The following AUTS2 variants were observed in gnomAD, a reference collection of about 807,000 sequenced individuals.
AUTS2 encodes the protein autism susceptibility gene 2 protein.
AUTS2 carries 17 observed loss-of-function variants against 112.4 expected under a neutral mutation model. The observed-to-expected ratio is 0.15, with a 90% CI of 0.10 to 0.23. The LOEUF is 0.23. Among genes scored for constraint, AUTS2 ranks in the 10% least tolerant of loss-of-function variants. The pLI is 1.00. For missense variants in AUTS2, 1,510 were observed against 1,701.6 expected (o/e 0.89, Z 1.98); for synonymous variants, 751 against 702.7 (o/e 1.07, Z -1.09).
chr7:69,646,136 C>T (rs1795011337), intron 1 of AUTS2, among the ~76,000 whole-genome samples: 1 of 151,706 alleles, frequency 6.6e-6, no homozygotes, highest in African/African-American at 2.4e-5. Flanking sequence ...AGGGAAAGGC[C>T]CCCTAAACCT....
At chr7:70,578,886 C>A (rs1802294788) in intron 5 of AUTS2, among the ~76,000 whole-genome samples, 1 of 150,612 alleles carries the variant, frequency 6.6e-6, no homozygotes, top group Non-Finnish European at 1.5e-5. Flanking sequence ...GTTATATTAT[C>A]TTTTCTTTTC....
chr7:69,824,299 C>CT (rs1262701044), intron 1 of AUTS2, among the ~76,000 whole-genome samples: 2 of 151,906 alleles, frequency 1.3e-5, no homozygotes, highest in African/African-American at 2.4e-5. Context: ...GTCCCAGCTA[C>CT]TCAGGAGGCT....
chr7:69,776,029 G>GT (rs903444142), intron 1 of AUTS2, among the ~76,000 whole-genome samples: 3 of 152,088 alleles, frequency 2.0e-5, no homozygotes, highest in African/African-American at 4.8e-5. Flanking sequence ...CACTCCTGTG[G>GT]TCTCTAGCCC....
At chr7:70,281,250 G>A (rs1788201021) in intron 4 of AUTS2, among the ~76,000 whole-genome samples, 2 of 152,190 alleles carry the variant, frequency 1.3e-5, no homozygotes, top group Non-Finnish European at 2.9e-5. Flanking sequence ...CTATAGGGAT[G>A]TGCCTAGGCC....
At chr7:69,760,951 A>G (rs1295239633) in intron 1 of AUTS2, among the ~76,000 whole-genome samples, 1 of 152,212 alleles carries the variant, frequency 6.6e-6, no homozygotes, top group East Asian at 1.9e-4. Flanking sequence ...ATTTGACTTA[A>G]TATATAAGAC....
At chr7:70,221,382 A>G (rs1811477833) in intron 4 of AUTS2, among the ~76,000 whole-genome samples, 1 of 152,228 alleles carries the variant, frequency 6.6e-6, no homozygotes, top group Non-Finnish European at 1.5e-5. Context: ...AAATTTATAT[A>G]CAATTAATCG....
At chr7:70,516,619 C>G (rs1049819673) in intron 5 of AUTS2, among the ~76,000 whole-genome samples, 9 of 152,246 alleles carry the variant, frequency 5.9e-5, no homozygotes, top group African/African-American at 2.2e-4. Context: ...AATAACCCAC[C>G]TTTCCTGGTT....
In AUTS2 at chr7:69,833,807, C is replaced by A. The variant is rs538933931; in HGVS notation, c.310-65479C>A. ...TGTCCTAGAATGTCTTTGAAAAGTT[C>A]ATATTCCGATAAGTGTATTACATTC... On this transcript the variant is annotated intron_variant, in intron 1 of 18. Coordinates refer to ENST00000342771, the MANE Select transcript of AUTS2 (RefSeq NM_015570.4). Among the ~76,000 whole-genome samples, 175 of 152,254 alleles carry A rather than the reference C, an allele frequency of 1.1e-3. 2 individuals carry two copies. Among genetic ancestry groups the A allele is most frequent in the East Asian group, 7.7e-4 (4 of 5,188 alleles).
At chr7:69,686,531 A>G (rs1797075726) in intron 1 of AUTS2, among the ~76,000 whole-genome samples, 1 of 152,234 alleles carries the variant, frequency 6.6e-6, no homozygotes, top group Non-Finnish European at 1.5e-5. Flanking sequence ...TGCAATTTCC[A>G]AGGAGTCATA....
chr7:70,660,563 CA>C (rs1212186841), intron 5 of AUTS2, among the ~76,000 whole-genome samples: 2 of 152,200 alleles, frequency 1.3e-5, no homozygotes, highest in Non-Finnish European at 2.9e-5. Context: ...GAGGAAGGCC[CA>C]CCCCTTCCTT....
chr7:69,879,691 G>A (rs888629346), intron 1 of AUTS2, among the ~76,000 whole-genome samples: 1 of 152,188 alleles, frequency 6.6e-6, no homozygotes, highest in Non-Finnish European at 1.5e-5. Flanking sequence ...TGAGGAAAAT[G>A]TTAAATAACT....
chr7:70,698,041 C>T (rs530727827), intron 5 of AUTS2, among the ~76,000 whole-genome samples: 2 of 152,054 alleles, frequency 1.3e-5, no homozygotes, highest in African/African-American at 2.4e-5. Context: ...ACACCAAGGT[C>T]GTTTGGTTAC....
intron 4 of AUTS2, among the ~76,000 whole-genome samples, chr7:70,252,323 CT>C (rs1284136894): frequency 2.0e-5 from 3 of 152,110 alleles, no homozygotes; most frequent in Non-Finnish European, 4.4e-5. Context: ...CTCATTGTGG[CT>C]TTAACTTTAA....
At chr7:70,627,263 G>T (rs1228859271) in intron 5 of AUTS2, among the ~76,000 whole-genome samples, 3 of 152,182 alleles carry the variant, frequency 2.0e-5, no homozygotes. Context: ...CTGTTGACTA[G>T]TGATGTTGAG....
At chr7:70,267,901 T>G (rs1429032147) in intron 4 of AUTS2, among the ~76,000 whole-genome samples, 1 of 152,180 alleles carries the variant, frequency 6.6e-6, no homozygotes, top group Non-Finnish European at 1.5e-5. Flanking sequence ...GACTGTGAAA[T>G]CTGAGGAAAC....
chr7:70,535,335 T>G (rs1448896379), intron 5 of AUTS2, among the ~76,000 whole-genome samples: 1 of 152,142 alleles, frequency 6.6e-6, no homozygotes, highest in Non-Finnish European at 1.5e-5. Flanking sequence ...AATATTAGAA[T>G]AAGTAACAAT....
chr7:69,889,368 C>A (rs944706484), intron 1 of AUTS2, among the ~76,000 whole-genome samples: 2 of 152,192 alleles, frequency 1.3e-5, no homozygotes, highest in Non-Finnish European at 2.9e-5. Flanking sequence ...TACATTAATT[C>A]TTTTCCTATC....
At chr7:69,810,766 G>C (rs1032138808) in intron 1 of AUTS2, among the ~76,000 whole-genome samples, 1 of 152,172 alleles carries the variant, frequency 6.6e-6, no homozygotes, top group African/African-American at 2.4e-5. Context: ...ACATTCTGAC[G>C]TTGAGTAAGT....
chr7:70,072,895 G>A (rs1244828596), intron 2 of AUTS2, among the ~76,000 whole-genome samples: 1 of 152,120 alleles, frequency 6.6e-6, no homozygotes, highest in African/African-American at 2.4e-5. Context: ...TGATTTAAAT[G>A]TTAGAGTTTC....
Sources: gnomAD v4.1 joint callset for allele counts (sites outside exome capture counted in the v4.1 genomes callset) on GRCh38, gnomAD v4.1.1 for gene constraint, MANE v1.5 for transcripts, NCBI Gene and HGNC (gene_info 2026-07-23, HGNC 2026-07-21) for gene names.